The following ATP10A variants were observed in gnomAD, a reference collection of about 807,000 sequenced individuals.
ATP10A encodes ATPase phospholipid transporting 10A (putative).
Under a neutral mutation model 147.8 loss-of-function variants are expected in ATP10A, and 111 were observed. The ratio of observed to expected loss-of-function variants is 0.75; its 90% CI spans 0.64 to 0.88. ATP10A has a LOEUF of 0.88. Among genes scored for constraint, ATP10A ranks in the 40% least tolerant of loss-of-function variants. The pLI is 0.00. For missense variants in ATP10A, 1,927 were observed against 1,959.0 expected (o/e 0.98, Z 0.31); for synonymous variants, 875 against 841.6 (o/e 1.04, Z -0.69).
chr15:25,691,902 G>A (rs1484768597), intron 14 of ATP10A, 111 bp from the exon 15 acceptor site: 19 of 1,270,076 alleles, frequency 1.5e-5, no homozygotes, highest in South Asian at 8.6e-5. Flanking sequence ...CTGTGAAAGC[G>A]TCCTGGGGAA....
intron 4 of ATP10A, 30 bp from the exon 5 acceptor site, chr15:25,726,112 G>A: frequency 6.2e-7 from 1 of 1,607,486 alleles, no homozygotes; most frequent in Non-Finnish European, 8.5e-7. Flanking sequence ...GACATGGCAA[G>A]TCAGAGACTG....
chr15:25,682,347 A>G (rs1044029383), intron 17 of ATP10A, among the ~76,000 whole-genome samples: 12 of 96,384 alleles, frequency 1.2e-4, no homozygotes, highest in Admixed American at 2.2e-4. Flanking sequence ...GATATAGATG[A>G]ATAGAGTCTC....
chr15:25,745,152 C>A (rs1368846361), intron 2 of ATP10A, among the ~76,000 whole-genome samples: 1 of 152,028 alleles, frequency 6.6e-6, no homozygotes, highest in Non-Finnish European at 1.5e-5. Flanking sequence ...ATGGTGAAAT[C>A]TCAACTCTAC....
At chr15:25,811,928 G>A (rs1342040854) in intron 1 of ATP10A, among the ~76,000 whole-genome samples, 3 of 152,204 alleles carry the variant, frequency 2.0e-5, no homozygotes, top group Non-Finnish European at 4.4e-5. Flanking sequence ...GGAAACCGAG[G>A]CACACGGCTG....
At position 25,695,087 on chromosome 15, in the gene ATP10A, C is replaced by A; in HGVS notation, c.2820G>T (p.Gln940His). ...TGCCCTTGGTCTTCTCAGGGGCTCT[C>A]TGGAGGCCTCTGGACTGCACGTAGC... Reference protein sequence around the residue: ...CLCYVQSRGLQRAPEKTKGKV... With the variant: ...CLCYVQSRGLHRAPEKTKGKV... Residue 940 changes from glutamine to histidine, a missense_variant, in exon 14 of 21, where the codon CAG becomes CAT. By Grantham distance (24) the Gln-to-His change is conservative. Coordinates refer to ENST00000555815, the MANE Select transcript of ATP10A (RefSeq NM_024490.4). 1 of 1,614,160 alleles carries A rather than the reference C, an allele frequency of 6.2e-7. No homozygotes were observed. Among genetic ancestry groups the A allele is most frequent in the South Asian group, 1.1e-5 (1 of 91,082 alleles).
At chr15:25,703,580 C>T (rs895993766) in intron 12 of ATP10A, among the ~76,000 whole-genome samples, 4 of 152,170 alleles carry the variant, frequency 2.6e-5, no homozygotes, top group East Asian at 1.9e-4. Context: ...GCAGAACAAA[C>T]GAACTAAGCC....
chr15:25,704,015 C>T (rs1171846359), intron 12 of ATP10A, among the ~76,000 whole-genome samples: 1 of 152,238 alleles, frequency 6.6e-6, no homozygotes, highest in African/African-American at 2.4e-5. Flanking sequence ...ACGCTCTGTG[C>T]TCCCCGTGAG....
chr15:25,818,320 T>C (rs1891751292), intron 1 of ATP10A, among the ~76,000 whole-genome samples: 1 of 152,148 alleles, frequency 6.6e-6, no homozygotes, highest in Non-Finnish European at 1.5e-5. Flanking sequence ...AAGTTAAATC[T>C]AGAATAAGTT....
At chr15:25,845,333 TG>T (rs1567427935) in intron 1 of ATP10A, among the ~76,000 whole-genome samples, 38 of 152,186 alleles carry the variant, frequency 2.5e-4, no homozygotes, top group African/African-American at 7.7e-4. Context: ...TGTGTGTGTG[TG>T]TGTGTGTGTG....
chr15:25,761,065 T>C (rs1888732567), intron 2 of ATP10A, among the ~76,000 whole-genome samples: 2 of 152,224 alleles, frequency 1.3e-5, no homozygotes, highest in Admixed American at 1.3e-4. Flanking sequence ...AGTTGAGCTA[T>C]ACTATATATC....
In ATP10A at chr15:25,736,458, T is replaced by G. The variant is rs982189235; in HGVS notation, c.655-317A>C. On this transcript the variant is annotated intron_variant, in intron 2 of 20. Transcript: ENST00000555815. The stretch of plus-strand genomic sequence containing the variant: ...GGAGGCCATCAATGAAGCAAAGGGA[T>G]GAATGAGTTTTTTAAGACACACGGC... Among the ~76,000 whole-genome samples the G allele has an allele frequency of 6.6e-5, 10 of 152,242 alleles. No individual in the cohort carries two copies. The East Asian group carries it at 1.7e-3, about 27-fold the overall frequency.
chr15:25,804,423 G>T (rs1483818669), intron 1 of ATP10A, among the ~76,000 whole-genome samples: 2 of 148,950 alleles, frequency 1.3e-5, no homozygotes, highest in African/African-American at 5.1e-5. Context: ...GTGCATCTGC[G>T]TGTGTATGTG....
In ATP10A at chr15:25,679,888, C is replaced by T. The variant is rs775275172; in HGVS notation, c.3953G>A (p.Cys1318Tyr). Residue 1318 changes from cysteine (C) to tyrosine (Y), a missense_variant, in exon 21 of 21, where the codon TGC becomes TAC. Cys to Tyr is a radical substitution (Grantham distance 194). Coordinates refer to ENST00000555815, the MANE Select transcript of ATP10A (RefSeq NM_024490.4). ...AGCAAAGGTCTCTTTGGGAGCACTG[C>T]ATCTCCTGGGGGACTTCCTGGTCAA... ...RQLTRKSPRR[C>Y]SAPKETFAQG... 6.2e-7 allele frequency: 1 copy of T among 1,610,498 alleles called. No individual in the cohort carries two copies. The highest frequency in any genetic ancestry group is 8.5e-7 in the Non-Finnish European group (1 of 1,179,830).
intron 1 of ATP10A, among the ~76,000 whole-genome samples, chr15:25,810,982 C>G (rs1223752917): frequency 1.3e-5 from 2 of 152,156 alleles, no homozygotes; most frequent in East Asian, 3.9e-4. Flanking sequence ...TATAATGAAG[C>G]TGGGGCTGGA....
chr15:25,764,594 G>A (rs908740539), intron 2 of ATP10A, among the ~76,000 whole-genome samples: 4 of 152,196 alleles, frequency 2.6e-5, no homozygotes, highest in East Asian at 1.9e-4. Context: ...CTTGCCAGAC[G>A]CCAGATCTAC....
chr15:25,784,281 G>A (rs4906770), intron 1 of ATP10A, among the ~76,000 whole-genome samples: 68,965 of 152,044 alleles, frequency 0.45, 15,737 homozygotes, highest in South Asian at 0.58. Context: ...GGGGTCCCCA[G>A]GAGACCGGGC....
At chr15:25,687,353 G>T (rs111726426) in intron 16 of ATP10A, among the ~76,000 whole-genome samples, 8 of 152,156 alleles carry the variant, frequency 5.3e-5, no homozygotes, top group African/African-American at 1.9e-4. Context: ...GGGTGGCCTG[G>T]GGTGAACGCA....
At chr15:25,683,673 T>C (rs1899552634) in intron 16 of ATP10A, 187 bp from the exon 17 acceptor site, 1 of 605,858 alleles carries the variant, frequency 1.7e-6, no homozygotes, top group Non-Finnish European at 2.9e-6. Context: ...TCTTCCTCTT[T>C]CCCTTCGCCC....
intron 1 of ATP10A, among the ~76,000 whole-genome samples, chr15:25,849,561 T>C (rs1893188336): frequency 6.6e-6 from 1 of 152,040 alleles, no homozygotes; most frequent in Non-Finnish European, 1.5e-5. Context: ...GCCAGACGCT[T>C]TACAGAGGAA....
Sources: allele counts gnomAD v4.1 joint callset (sites outside exome capture counted in the v4.1 genomes callset), GRCh38; gene constraint gnomAD v4.1.1; transcripts MANE v1.5; gene names NCBI Gene and HGNC (gene_info 2026-07-23, HGNC 2026-07-21).